The following ARHGAP15 variants were observed in gnomAD, a reference collection of about 807,000 sequenced individuals.
ARHGAP15 encodes the protein rho GTPase-activating protein 15.
In ARHGAP15, 51 loss-of-function variants were observed where a neutral mutation model predicts 63.7. The observed-to-expected ratio is 0.80, with a 90% CI of 0.64 to 1.01. ARHGAP15 has a LOEUF of 1.01. ARHGAP15 is among the 50% of genes least tolerant of loss of function. The pLI is 0.00. For missense variants in ARHGAP15, 560 were observed against 564.6 expected (o/e 0.99, Z 0.08); for synonymous variants, 191 against 193.8 (o/e 0.99, Z 0.12).
intron 3 of ARHGAP15, among the ~76,000 whole-genome samples, chr2:143,209,815 A>G (rs1692498697): frequency 2.0e-5 from 3 of 152,186 alleles, no homozygotes; most frequent in Admixed American, 1.3e-4. Context: ...ACGGGTTTTG[A>G]GGAGAGAGAG....
intron 11 of ARHGAP15, among the ~76,000 whole-genome samples, chr2:143,612,014 C>T (rs1325415495): frequency 2.0e-5 from 3 of 152,152 alleles, no homozygotes; most frequent in Non-Finnish European, 4.4e-5. Context: ...TACTTCTCAC[C>T]TCTCAAATGC....
intron 6 of ARHGAP15, among the ~76,000 whole-genome samples, chr2:143,400,759 G>A (rs1320137): frequency 0.21 from 32,009 of 151,956 alleles, 3,899 homozygotes; most frequent in Admixed American, 0.33. Flanking sequence ...AAATAGTTAA[G>A]ATGACATATA....
At chr2:143,604,943 C>T (rs1697928180) in intron 11 of ARHGAP15, among the ~76,000 whole-genome samples, 1 of 152,124 alleles carries the variant, frequency 6.6e-6, no homozygotes. Flanking sequence ...CAGTCTCACT[C>T]TGTCGCTCAG....
chr2:143,172,381 C>A (rs544573849), intron 2 of ARHGAP15, among the ~76,000 whole-genome samples: 19 of 152,116 alleles, frequency 1.2e-4, no homozygotes, highest in African/African-American at 4.6e-4. Flanking sequence ...TTATTTGATG[C>A]ACAATCAGAG....
rs181707334 is a variant in ARHGAP15 at position 143,322,840 on chromosome 2, T to C, written c.474+72240T>C. ...CTGATAACTGGGAGAATGGCTAAGGTGAAGGTTTAATGTTGTAAGTAAGCA... is the reference window on the plus strand; with the variant it reads ...CTGATAACTGGGAGAATGGCTAAGGCGAAGGTTTAATGTTGTAAGTAAGCA... On this transcript the variant is annotated intron_variant, in intron 6 of 13. Coordinates refer to ENST00000295095, the MANE Select transcript of ARHGAP15 (RefSeq NM_018460.4). 4.5e-3 allele frequency among the ~76,000 whole-genome samples: 681 copies of C among 152,294 alleles called. 11 individuals are homozygous for C. The highest frequency in any genetic ancestry group is 2.5e-3 in the Non-Finnish European group (171 of 68,014).
chr2:143,235,620 T>C (rs1693613108), intron 5 of ARHGAP15, among the ~76,000 whole-genome samples: 1 of 152,162 alleles, frequency 6.6e-6, no homozygotes, highest in African/African-American at 2.4e-5. Context: ...TACTAGTCAG[T>C]GGTATGTGTC....
At chr2:143,519,823 G>A (rs112790913) in intron 10 of ARHGAP15, among the ~76,000 whole-genome samples, 18 of 152,192 alleles carry the variant, frequency 1.2e-4, no homozygotes, top group African/African-American at 3.9e-4. Flanking sequence ...TACAGAATAC[G>A]CTAACGGGTT....
At chr2:143,349,457 A>G (rs1685459630) in intron 6 of ARHGAP15, among the ~76,000 whole-genome samples, 1 of 152,222 alleles carries the variant, frequency 6.6e-6, no homozygotes, top group African/African-American at 2.4e-5. Flanking sequence ...AAAGATGGAA[A>G]GTAATGCAGT....
At chr2:143,382,059 TCTTTCCTTCCTTCCTTCCTTC>T (rs1205088877) in intron 6 of ARHGAP15, among the ~76,000 whole-genome samples, 13 of 149,530 alleles carry the variant, frequency 8.7e-5, no homozygotes, top group African/African-American at 2.0e-4. Flanking sequence ...CTTTCTTGCT[TCTTTCCTTCCTTCCTTCCTTC>T]CTTTCCTTCC....
At chr2:143,271,564 T>C (rs1353430582) in intron 6 of ARHGAP15, among the ~76,000 whole-genome samples, 4 of 152,286 alleles carry the variant, frequency 2.6e-5, no homozygotes, top group Admixed American at 6.5e-5. Flanking sequence ...CAAGCTCCGC[T>C]TCCCGGGTTC....
At chr2:143,390,009 A>AG (rs546037750) in intron 6 of ARHGAP15, among the ~76,000 whole-genome samples, 6 of 103,702 alleles carry the variant, frequency 5.8e-5, no homozygotes, top group Non-Finnish European at 1.1e-4. Flanking sequence ...GTCCTTTATT[A>AG]AAAAAAAAAA....
Position 143,464,818 on chromosome 2 carries a change from ATTC to A in ARHGAP15, c.704-22552_704-22550del, listed in dbSNP as rs1445993288. ...ATCATGATATTAAAATTCTATCACT[ATTC>A]TTTGGATTCCTACATTCCCTTAAAG... On this transcript the variant is annotated intron_variant, in intron 8 of 13. Transcript: ENST00000295095. Among the ~76,000 whole-genome samples the A allele has an allele frequency of 9.2e-5, 14 of 152,066 alleles. No individual in the cohort carries two copies. The East Asian group carries it at 1.2e-3, about 13-fold the overall frequency.
intron 12 of ARHGAP15, chr2:143,682,942 G>A (rs957939638): frequency 6.6e-5 from 10 of 152,254 alleles, no homozygotes; most frequent in African/African-American, 1.4e-4. Context: ...CAGTGCAACT[G>A]AATACATTCC....
chr2:143,291,315 C>T (rs150456725), intron 6 of ARHGAP15, among the ~76,000 whole-genome samples: 199 of 152,162 alleles, frequency 1.3e-3, no homozygotes, highest in African/African-American at 4.7e-3. Flanking sequence ...ATACATTAGA[C>T]ACTACCTGTC....
chr2:143,497,381 C>A (rs1187924968), intron 9 of ARHGAP15, among the ~76,000 whole-genome samples: 1 of 152,196 alleles, frequency 6.6e-6, no homozygotes, highest in Non-Finnish European at 1.5e-5. Flanking sequence ...CATCCTAAAT[C>A]TTTCCTCTGT....
chr2:143,377,480 C>A (rs1686867655), intron 6 of ARHGAP15, among the ~76,000 whole-genome samples: 1 of 151,674 alleles, frequency 6.6e-6, no homozygotes, highest in Admixed American at 6.6e-5. Flanking sequence ...ATAAGAGTTA[C>A]ATATTTTTCT....
intron 13 of ARHGAP15, chr2:143,741,367 C>G (rs190809323): frequency 7.9e-5 from 12 of 152,282 alleles, no homozygotes; most frequent in Admixed American, 5.2e-4. Flanking sequence ...CTTGATCTTC[C>G]TGATTCAGTG....
chr2:143,399,874 T>A (rs1247597639), intron 6 of ARHGAP15, among the ~76,000 whole-genome samples: 2 of 152,002 alleles, frequency 1.3e-5, no homozygotes, highest in Non-Finnish European at 2.9e-5. Context: ...CCTTCCAACT[T>A]CAAAATGTGA....
intron 6 of ARHGAP15, among the ~76,000 whole-genome samples, chr2:143,370,356 G>A (rs1353469497): frequency 2.0e-5 from 3 of 152,090 alleles, no homozygotes; most frequent in East Asian, 1.9e-4. Context: ...TGTGGGGTGG[G>A]GGAAGGGGGG....
Sources: gnomAD v4.1 joint callset for allele counts (sites outside exome capture counted in the v4.1 genomes callset) on GRCh38, gnomAD v4.1.1 for gene constraint, MANE v1.5 for transcripts, NCBI Gene and HGNC (gene_info 2026-07-23, HGNC 2026-07-21) for gene names.